EXTL3: variants seen among roughly 807,000 people sequenced by gnomAD.
The protein encoded by EXTL3 is exostosin like glycosyltransferase 3, also known as exostosin-like 3.
In EXTL3, 27 loss-of-function variants were observed where a neutral mutation model predicts 69.3. The ratio of observed to expected loss-of-function variants is 0.39; its 90% CI spans 0.29 to 0.54. The LOEUF is 0.54. Among genes scored for constraint, EXTL3 ranks in the 20% least tolerant of loss-of-function variants. The probability of loss-of-function intolerance (pLI) is 0.69; values close to 1 mark genes in which losing one functional copy is unlikely to be tolerated. For synonymous variants in EXTL3, 511 were observed against 499.4 expected, an observed-to-expected ratio of 1.02 and a Z score of -0.31; for missense variants, 1,003 against 1,231.8, an observed-to-expected ratio of 0.81 and a Z score of 2.78.
chr8:28,625,337 T>G (rs1465322173), intron 1 of EXTL3, among the ~76,000 whole-genome samples: 1 of 152,124 alleles, frequency 6.6e-6, no homozygotes, highest in Non-Finnish European at 1.5e-5. Flanking sequence ...AAGACATGAG[T>G]AGCTCTGTGT....
At chr8:28,608,109 CAA>C (rs1158457543) in intron 2 of EXTL3, among the ~76,000 whole-genome samples, 20 of 103,790 alleles carry the variant, frequency 1.9e-4, no homozygotes, top group Non-Finnish European at 1.2e-4. Flanking sequence ...GACACCATCT[CAA>C]AAAAAAAAAA....
intron 1 of EXTL3, among the ~76,000 whole-genome samples, chr8:28,660,004 G>T (rs536242270): frequency 6.6e-6 from 1 of 152,090 alleles, no homozygotes; most frequent in Admixed American, 6.6e-5. Flanking sequence ...TTTACTATAC[G>T]TTTAAATAGT....
chr8:28,700,957 G>A (rs1800773146), upstream of EXTL3: 1 of 152,290 alleles, frequency 6.6e-6, no homozygotes, highest in Non-Finnish European at 1.5e-5. Context: ...CATCCCACAC[G>A]ACTAGATTAA....
At chr8:28,653,944 G>T (rs1437444971) in intron 1 of EXTL3, among the ~76,000 whole-genome samples, 2 of 152,150 alleles carry the variant, frequency 1.3e-5, no homozygotes, top group African/African-American at 4.8e-5. Flanking sequence ...TTTTGATAGG[G>T]ATTGCATTGG....
intron 2 of EXTL3, among the ~76,000 whole-genome samples, chr8:28,715,191 C>T (rs1361273144): frequency 6.6e-6 from 1 of 152,144 alleles, no homozygotes; most frequent in East Asian, 1.9e-4. Context: ...ACATAAACTA[C>T]CCAGGTTGGC....
rs112206988 is a variant in EXTL3 at position 28,742,924 on chromosome 8, C to T, written c.2422-162C>T. ...AATTCCTCACTGCAGAAGATCCACACGACAGGATGTCTCGAATCCCCTGCC... is the reference window on the plus strand; with the variant it reads ...AATTCCTCACTGCAGAAGATCCACATGACAGGATGTCTCGAATCCCCTGCC... On this transcript the variant is annotated intron_variant, in intron 5 of 6. Transcript: ENST00000220562. 25 of 751,048 alleles carry T rather than the reference C, an allele frequency of 3.3e-5. 1 individual carries two copies. Among genetic ancestry groups the T allele is most frequent in the African/African-American group, 1.2e-4 (7 of 59,120 alleles). 46.5% of individuals were successfully genotyped at this position (751,048 alleles called of 1,614,324 possible). A position where few individuals can be genotyped will look rare whatever the true frequency, so the allele number is the denominator to read the frequency against.
At chr8:28,749,258 A>G (rs1414456056) in intron 6 of EXTL3, among the ~76,000 whole-genome samples, 1 of 152,204 alleles carries the variant, frequency 6.6e-6, no homozygotes, top group African/African-American at 2.4e-5. Context: ...ACTATAAAAC[A>G]AGTAGGCTTA....
intron 1 of EXTL3, among the ~76,000 whole-genome samples, chr8:28,645,695 G>GT (rs1222719919): frequency 6.6e-6 from 1 of 151,470 alleles, no homozygotes; most frequent in Non-Finnish European, 1.5e-5. Flanking sequence ...TATTCTCTCT[G>GT]TTTTTTTCTT....
intron 1 of EXTL3, among the ~76,000 whole-genome samples, chr8:28,627,895 A>T (rs1585220493): frequency 1.3e-5 from 2 of 152,228 alleles, no homozygotes; most frequent in East Asian, 3.9e-4. Context: ...AAGCTCATAG[A>T]GACAGAAAGC....
chr8:28,631,438 T>G (rs1454309700), intron 1 of EXTL3: 1 of 152,158 alleles, frequency 6.6e-6, no homozygotes, highest in African/African-American at 2.4e-5. Context: ...CTGGAAAAGT[T>G]CTCATTGTTC....
In EXTL3 at chr8:28,716,365, G is replaced by A. The variant is rs1027379756; in HGVS notation, c.306G>A (p.Glu102=). The change falls in exon 3 of 7, where the codon GAG becomes GAA. Residue 102 remains glutamate, a synonymous_variant. Coordinates refer to ENST00000220562, the MANE Select transcript of EXTL3 (RefSeq NM_001440.4). This position sits in a 1 kb window ranked among gnomAD's most constrained non-coding sequence, Gnocchi z 7.1. ...TGCAGCTGGAGGCCAAGCGCCAAGA[G>A]CTGAACAGCGAGATCGCCAAGCTGA... ...ELLQLEAKRQ[E]LNSEIAKLNL... is the part of the protein sequence containing the mutation. The A allele has an allele frequency of 6.8e-6, 11 of 1,614,014 alleles. No individual in the cohort carries two copies. In the East Asian group the frequency reaches 2.5e-4, roughly 36 times the overall value.
intron 2 of EXTL3, among the ~76,000 whole-genome samples, chr8:28,611,419 A>G (rs1279868991): frequency 6.6e-6 from 1 of 151,990 alleles, no homozygotes; most frequent in Non-Finnish European, 1.5e-5. Flanking sequence ...GTGCCACTGC[A>G]CTCCAGCCTG....
At chr8:28,722,231 C>G (rs1290436928) in intron 3 of EXTL3, among the ~76,000 whole-genome samples, 1 of 152,122 alleles carries the variant, frequency 6.6e-6, no homozygotes, top group South Asian at 2.1e-4. Flanking sequence ...CAGGACAGTG[C>G]AGGTCGTGGT....
intron 1 of EXTL3, among the ~76,000 whole-genome samples, chr8:28,672,288 G>A (rs986375229): frequency 2.6e-5 from 4 of 151,640 alleles, no homozygotes; most frequent in African/African-American, 9.7e-5. Context: ...CATGGTGGTG[G>A]GCACCTATAG....
At chr8:28,611,152 A>G (rs1241774390) in intron 2 of EXTL3, among the ~76,000 whole-genome samples, 4 of 152,160 alleles carry the variant, frequency 2.6e-5, no homozygotes, top group Non-Finnish European at 5.9e-5. Context: ...TGGGACATTA[A>G]AAAACTGATT....
At position 28,610,901 on chromosome 8, in the gene EXTL3, C is replaced by G. The variant is rs372499230; in HGVS notation, n.314+3143C>G. Among the ~76,000 whole-genome samples the G allele has an allele frequency of 1.5e-3, 223 of 152,236 alleles. 1 individual carries two copies. The highest frequency in any genetic ancestry group is 5.1e-3 in the African/African-American group (213 of 41,536). On this transcript the variant is annotated intron_variant and non_coding_transcript_variant, in intron 2 of 4. Transcript: ENST00000522725. ...GGGATTACAGGCGCCTGCCACCACG[C>G]CTGGCTAATTTTTGTATCTTTAGTA... is the stretch of plus-strand genomic sequence containing the variant.
chr8:28,702,115 G>T (rs1230883758), intron 1 of EXTL3, among the ~76,000 whole-genome samples: 1 of 152,188 alleles, frequency 6.6e-6, no homozygotes, highest in African/African-American at 2.4e-5. Flanking sequence ...CGGAGGCGCA[G>T]CTCCGGACTA....
chr8:28,647,771 T>C (rs908884505), intron 1 of EXTL3, among the ~76,000 whole-genome samples: 2 of 152,122 alleles, frequency 1.3e-5, no homozygotes, highest in African/African-American at 4.8e-5. Context: ...TATTTAATTA[T>C]CTCTGCAGGA....
chr8:28,651,620 T>G (rs141731125), intron 1 of EXTL3, among the ~76,000 whole-genome samples: 1,594 of 152,310 alleles, frequency 0.01, 12 homozygotes, highest in South Asian at 0.016. Flanking sequence ...CCACCATGCC[T>G]GACCAGCAAC....
Sources: gnomAD v4.1 joint callset for allele counts (sites outside exome capture counted in the v4.1 genomes callset) on GRCh38, gnomAD v4.1.1 for gene constraint, Gnocchi (gnomAD v3.1) non-coding constraint, MANE v1.5 for transcripts, NCBI Gene and HGNC (gene_info 2026-07-23, HGNC 2026-07-21) for gene names.